DSCAM: variants seen among roughly 807,000 people sequenced by gnomAD.
The protein encoded by DSCAM is DS cell adhesion molecule.
In DSCAM, 47 loss-of-function variants were observed where a neutral mutation model predicts 217.7. That is an observed-to-expected ratio of 0.22 (90% CI 0.17 to 0.28). The LOEUF is 0.28. DSCAM is among the 10% of genes least tolerant of loss of function. The pLI is 1.00. For missense variants in DSCAM, 2,080 were observed against 2,618.3 expected, an observed-to-expected ratio of 0.79 and a Z score of 4.49; for synonymous variants, 1,056 against 1,015.3, an observed-to-expected ratio of 1.04 and a Z score of -0.76.
intron 3 of DSCAM, among the ~76,000 whole-genome samples, chr21:40,425,531 A>ACC (rs372959697): frequency 0.016 from 2,336 of 145,300 alleles, 76 homozygotes; most frequent in African/African-American, 0.056. Context: ...GAATTTTTTT[A>ACC]CCCCCCCCTA....
intron 3 of DSCAM, among the ~76,000 whole-genome samples, chr21:40,476,716 T>A (rs62225479): frequency 6.6e-6 from 1 of 151,872 alleles, no homozygotes; most frequent in Non-Finnish European, 1.5e-5. Context: ...GCAGGGCAGG[T>A]CATAGGGAAA....
chr21:40,274,980 T>G (rs955943984), intron 11 of DSCAM, among the ~76,000 whole-genome samples: 2 of 151,898 alleles, frequency 1.3e-5, no homozygotes, highest in Non-Finnish European at 2.9e-5. Flanking sequence ...ATAAATCATA[T>G]AGTAGAGACT....
chr21:40,353,697 G>A lies in DSCAM; in HGVS notation c.702C>T (p.Arg234=), dbSNP rs2074659799. 1 of 1,605,308 alleles carries A rather than the reference G, an allele frequency of 6.2e-7. No individual in the cohort carries two copies. Among genetic ancestry groups the A allele is most frequent in the Non-Finnish European group, 8.5e-7 (1 of 1,177,834 alleles). The change falls in exon 5 of 33, where the codon CGC becomes CGT. Residue 234 remains arginine, a synonymous_variant. Coordinates refer to ENST00000400454, the MANE Select transcript of DSCAM (RefSeq NM_001389.5). The part of the protein sequence containing the change: ...APSILDGFDH[R]KAMAGQRVEL... ...CCACACGCTGCCCAGCCATGGCTTT[G>A]CGATGGTCAAACCCATCCAGTATGG...
intron 32 of DSCAM, among the ~76,000 whole-genome samples, chr21:40,018,247 C>G (rs9980472): frequency 0.16 from 23,609 of 152,118 alleles, 1,966 homozygotes; most frequent in Middle Eastern, 0.22. Flanking sequence ...ATTGACCAGT[C>G]TTGCGATTTG....
At chr21:40,672,940 T>C (rs949567402) in intron 3 of DSCAM, among the ~76,000 whole-genome samples, 2 of 152,080 alleles carry the variant, frequency 1.3e-5, no homozygotes, top group African/African-American at 4.8e-5. Context: ...ATGTTTGCTC[T>C]CCCCCGCACT....
At chr21:40,745,004 A>G (rs763121172) in intron 1 of DSCAM, among the ~76,000 whole-genome samples, 12 of 152,180 alleles carry the variant, frequency 7.9e-5, no homozygotes, top group Non-Finnish European at 1.2e-4. Context: ...AAAGAATACA[A>G]TAACTGAACT....
At chr21:40,800,974 T>C (rs1004218996) in intron 1 of DSCAM, among the ~76,000 whole-genome samples, 9 of 149,638 alleles carry the variant, frequency 6.0e-5, no homozygotes, top group African/African-American at 4.9e-5. Context: ...TTTTTTTTTT[T>C]AGATGGAGTT....
chr21:40,269,813 C>T lies in DSCAM; in HGVS notation c.2356+6284G>A, dbSNP rs376594711. Among the ~76,000 whole-genome samples, 43 of 152,262 alleles carry T rather than the reference C, an allele frequency of 2.8e-4. No homozygotes were observed. The South Asian group carries it at 8.1e-3, about 29-fold the overall frequency. Reference sequence around the variant, plus strand: ...CACCAGTCATATTGGATTAGGGATCCGGCGGCCTACTTCAGTAGAGCCTCA... The same window carrying T: ...CACCAGTCATATTGGATTAGGGATCTGGCGGCCTACTTCAGTAGAGCCTCA... On this transcript the variant is annotated intron_variant, in intron 11 of 32. Coordinates refer to ENST00000400454, the MANE Select transcript of DSCAM (RefSeq NM_001389.5).
intron 3 of DSCAM, among the ~76,000 whole-genome samples, chr21:40,433,658 T>A (rs1423739721): frequency 1.3e-5 from 2 of 152,198 alleles, no homozygotes; most frequent in African/African-American, 4.8e-5. Context: ...CTGCACAATG[T>A]CACCTGAAGT....
intron 3 of DSCAM, among the ~76,000 whole-genome samples, chr21:40,537,630 G>A (rs1443696537): frequency 1.3e-5 from 2 of 152,068 alleles, no homozygotes; most frequent in African/African-American, 2.4e-5. Context: ...TATATGCCTG[G>A]TGTCTTTATA....
At chr21:40,348,053 CCA>C in intron 5 of DSCAM, 108 bp from the exon 6 acceptor site, 3 of 1,172,594 alleles carry the variant, frequency 2.6e-6, no homozygotes, top group Non-Finnish European at 3.5e-6. Flanking sequence ...CAATCATACT[CCA>C]CACAGTTCCC....
intron 11 of DSCAM, among the ~76,000 whole-genome samples, chr21:40,198,720 A>G (rs1052584861): frequency 3.9e-5 from 6 of 152,242 alleles, no homozygotes; most frequent in African/African-American, 1.4e-4. Context: ...GGGGCAGGAA[A>G]GTGAACAGCT....
At chr21:40,637,727 C>A (rs1246523376) in intron 3 of DSCAM, among the ~76,000 whole-genome samples, 6 of 143,948 alleles carry the variant, frequency 4.2e-5, no homozygotes, top group Non-Finnish European at 9.0e-5. Context: ...GGCTGGAGTG[C>A]AATGGCATGA....
chr21:40,140,864 T>G (rs566695222), intron 18 of DSCAM, among the ~76,000 whole-genome samples: 1 of 152,190 alleles, frequency 6.6e-6, no homozygotes, highest in African/African-American at 2.4e-5. Context: ...CACAGCAACC[T>G]TGGTGTTTCC....
At chr21:40,485,354 T>C (rs1303499433) in intron 3 of DSCAM, among the ~76,000 whole-genome samples, 2 of 151,060 alleles carry the variant, frequency 1.3e-5, no homozygotes, top group Admixed American at 6.6e-5. Flanking sequence ...GCCATTCTCC[T>C]GCCTCAGCCT....
At chr21:40,072,366 A>G (rs1017471104) in intron 27 of DSCAM, among the ~76,000 whole-genome samples, 55 of 110,220 alleles carry the variant, frequency 5.0e-4, no homozygotes, top group Non-Finnish European at 9.1e-4. Context: ...TTTTTTTTTG[A>G]GACAGAGTCT....
chr21:40,716,584 G>A (rs753557873), intron 1 of DSCAM, among the ~76,000 whole-genome samples: 6 of 152,158 alleles, frequency 3.9e-5, no homozygotes, highest in East Asian at 1.9e-4. Context: ...TGTAACAGAC[G>A]GCATAACCAA....
chr21:40,255,774 G>A (rs1363427313), intron 11 of DSCAM, among the ~76,000 whole-genome samples: 1 of 152,220 alleles, frequency 6.6e-6, no homozygotes, highest in African/African-American at 2.4e-5. Flanking sequence ...GAGGCTTATA[G>A]GAGCTCAGGA....
intron 1 of DSCAM, among the ~76,000 whole-genome samples, chr21:40,821,878 G>A (rs2091931060): frequency 6.6e-6 from 1 of 152,100 alleles, no homozygotes. Flanking sequence ...GAAAGTGGGA[G>A]GAGGGAGAGG....
Sources: allele counts gnomAD v4.1 joint callset (sites outside exome capture counted in the v4.1 genomes callset), GRCh38; gene constraint gnomAD v4.1.1; transcripts MANE v1.5; gene names NCBI Gene and HGNC (gene_info 2026-07-23, HGNC 2026-07-21).